Variants in IRF2 observed in about 807,000 individuals in gnomAD.
IRF2 encodes interferon regulatory factor 2.
Under a neutral mutation model 40.6 loss-of-function variants are expected in IRF2, and 15 were observed. That is an observed-to-expected ratio of 0.37 (90% CI 0.25 to 0.57). IRF2 has a LOEUF of 0.57. Among genes scored for constraint, IRF2 ranks in the 20% least tolerant of loss-of-function variants. The pLI is 0.77. For synonymous variants in IRF2, 151 were observed against 165.5 expected (o/e 0.91, Z 0.67); for missense variants, 317 against 455.7 (o/e 0.70, Z 2.77).
intron 5 of IRF2, among the ~76,000 whole-genome samples, chr4:184,411,790 A>C (rs1390390579): frequency 1.3e-5 from 2 of 151,290 alleles, no homozygotes; most frequent in African/African-American, 4.9e-5. Context: ...GGCCCTGAAC[A>C]CTCTTCGCCC....
intron 1 of IRF2, among the ~76,000 whole-genome samples, chr4:184,452,466 G>T (rs1461347765): frequency 6.6e-6 from 1 of 152,166 alleles, no homozygotes; most frequent in Non-Finnish European, 1.5e-5. Flanking sequence ...TGCCATGGAA[G>T]TGCAGACCGG....
chr4:184,422,706 T>C (rs1220641640), intron 2 of IRF2, among the ~76,000 whole-genome samples: 1 of 152,082 alleles, frequency 6.6e-6, no homozygotes, highest in Non-Finnish European at 1.5e-5. Flanking sequence ...ATGATTCCAT[T>C]TACATGAAAT....
intron 6 of IRF2, among the ~76,000 whole-genome samples, chr4:184,403,618 C>T (rs76407443): frequency 6.6e-6 from 1 of 152,270 alleles, no homozygotes; most frequent in East Asian, 1.9e-4. Context: ...GCAGCAGAAC[C>T]GGGATTCAAT....
chr4:184,398,134 G>A (rs898628171), intron 7 of IRF2, among the ~76,000 whole-genome samples: 7 of 152,180 alleles, frequency 4.6e-5, no homozygotes, highest in Non-Finnish European at 7.3e-5. Flanking sequence ...GGGTCTGAAG[G>A]CTGAGGTCAA....
At position 184,388,762 on chromosome 4, in the gene IRF2, C is replaced by T; in HGVS notation, c.1046G>A (p.Cys349Tyr). The T allele has an allele frequency of 6.2e-7, 1 of 1,606,932 alleles. No individual in the cohort carries two copies. Among genetic ancestry groups the T allele is most frequent in the Non-Finnish European group, 8.5e-7 (1 of 1,178,678 alleles). The change falls in exon 9 of 9, where the codon TGT becomes TAT. Residue 349 changes from cysteine to tyrosine, a missense_variant. Physicochemically the swap from Cys to Tyr is radical, Grantham distance 194. This residue lies in a region of IRF2 where 262 missense variants were observed against 334.0 expected (regional missense o/e 0.78). Transcript: ENST00000393593. This position sits in a 1 kb window ranked among gnomAD's most constrained non-coding sequence, Gnocchi z 4.6. Reference protein sequence around the residue: ...SDITQARVKSC With the variant: ...SDITQARVKSY ...CCACCGCGGAGAGTCAGAGGCTTAA[C>T]AGCTCTTGACGCGGGCCTGGGTGAT... is the stretch of plus-strand genomic sequence containing the variant.
At chr4:184,442,252 A>G (rs573402325) in intron 1 of IRF2, among the ~76,000 whole-genome samples, 5 of 152,250 alleles carry the variant, frequency 3.3e-5, no homozygotes, top group Admixed American at 2.0e-4. Context: ...TTCCTTTTGT[A>G]GTCCGGACTA....
chr4:184,422,734 G>A (rs1002056749), intron 2 of IRF2, among the ~76,000 whole-genome samples: 1 of 150,254 alleles, frequency 6.7e-6, no homozygotes, highest in African/African-American at 2.5e-5. Context: ...AAAAGACAGA[G>A]AGCAGAGAGC....
rs561431705 is a variant in IRF2, at chr4:184,432,375, G to A, written c.-6-3305C>T. Among the ~76,000 whole-genome samples, 20 of 152,334 alleles carry A rather than the reference G, an allele frequency of 1.3e-4. No individual in the cohort carries two copies. The East Asian group carries it at 1.7e-3, about 13-fold the overall frequency. ...GTTCTTTTCACAGGCTACAGAGTGC[G>A]ACATTTGTCACATCGTTGTGCTTTT... On this transcript the variant is annotated intron_variant, in intron 1 of 8. Transcript: ENST00000393593.
chr4:184,388,422 C>T lies in IRF2; in HGVS notation c.*336G>A, dbSNP rs2149889100. 3.6e-6 allele frequency: 1 copy of T among 279,492 alleles called. No homozygotes were observed. Among genetic ancestry groups the T allele is most frequent in the Non-Finnish European group, 6.7e-6 (1 of 150,246 alleles). 17.3% of individuals were successfully genotyped at this position (279,492 alleles called of 1,614,324 possible). On this transcript the variant is annotated 3_prime_UTR_variant, in exon 9 of 9. Transcript: ENST00000393593. This position sits in a 1 kb window ranked among gnomAD's most constrained non-coding sequence, Gnocchi z 4.6. The stretch of plus-strand genomic sequence containing the variant: ...CAAGAATAAAAAATTCCAGCTAGTT[C>T]ACATTATCTCGTCCGTTCTGAGGCA...
At chr4:184,428,226 T>G (rs11931017) in intron 2 of IRF2, among the ~76,000 whole-genome samples, 1 of 152,106 alleles carries the variant, frequency 6.6e-6, no homozygotes, top group African/African-American at 2.4e-5. Context: ...AAAAGAAGGC[T>G]TTTTTTAAAG....
rs1327317403 is a variant in IRF2, at chr4:184,429,066, G to T, written c.-2C>A. ...CATGCGCATCCTTTCCACCGGCATG[G>T]TGCCCTTGAGGGAGAGAAACACAGC... On this transcript the variant is annotated 5_prime_UTR_variant, in exon 2 of 9. Coordinates refer to ENST00000393593, the MANE Select transcript of IRF2 (RefSeq NM_002199.4). 1 of 1,613,678 alleles carries T rather than the reference G, an allele frequency of 6.2e-7. No individual in the cohort carries two copies. The highest frequency in any genetic ancestry group is 8.5e-7 in the Non-Finnish European group (1 of 1,179,614).
At chr4:184,429,182 GGAC>G (rs1737781537) in intron 1 of IRF2, 112 bp from the exon 2 acceptor site, 2 of 721,080 alleles carry the variant, frequency 2.8e-6, no homozygotes, top group Non-Finnish European at 4.7e-6. Flanking sequence ...CTGGGGCTGG[GGAC>G]CAGGGGGCTG....
intron 1 of IRF2, among the ~76,000 whole-genome samples, chr4:184,451,306 A>G (rs1269050002): frequency 6.6e-6 from 1 of 152,236 alleles, no homozygotes; most frequent in Non-Finnish European, 1.5e-5. Context: ...TTATAAATAT[A>G]TACATGCAAA....
chr4:184,423,713 C>G (rs922545862), intron 2 of IRF2, among the ~76,000 whole-genome samples: 2 of 152,048 alleles, frequency 1.3e-5, no homozygotes, highest in African/African-American at 4.8e-5. Flanking sequence ...CAAGAAATGG[C>G]CCAGGGAACC....
rs147354945 is a variant in IRF2 at position 184,438,837 on chromosome 4, A to T, written c.-6-9767T>A. On this transcript the variant is annotated intron_variant, in intron 1 of 8. Transcript: ENST00000393593. The stretch of plus-strand genomic sequence containing the variant: ...GTATGTTCGGAGCAAAGATAACAGG[A>T]CCCCCTATATGAGAGAGGAAGCATG... Among the ~76,000 whole-genome samples the T allele has an allele frequency of 1.5e-3, 227 of 152,012 alleles. 1 individual carries two copies. The highest frequency in any genetic ancestry group is 5.4e-3 in the African/African-American group (222 of 41,452).
In IRF2 at chr4:184,398,902, C is replaced by T. The variant is rs545600776; in HGVS notation, c.694+13G>A. 18 of 1,577,924 alleles carry T rather than the reference C, an allele frequency of 1.1e-5. No homozygotes were observed. The South Asian group carries it at 1.2e-4, about 10-fold the overall frequency. On this transcript the variant is annotated intron_variant, in intron 7 of 8. Transcript: ENST00000393593. ...GGTTCCCACGCCTCCCGGAGCCTCCCGCTGACGCTTACCTGCATAGGAAGA... is the reference window on the plus strand; with the variant it reads ...GGTTCCCACGCCTCCCGGAGCCTCCTGCTGACGCTTACCTGCATAGGAAGA...
chr4:184,427,268 G>A (rs1737705921), intron 2 of IRF2, among the ~76,000 whole-genome samples: 2 of 152,226 alleles, frequency 1.3e-5, no homozygotes, highest in African/African-American at 2.4e-5. Flanking sequence ...ACAGGTCACA[G>A]GAAATAAGCA....
chr4:184,428,802 A>C lies in IRF2; in HGVS notation c.87+176T>G, dbSNP rs144031741. The C allele has an allele frequency of 8.4e-3, 5,238 of 627,300 alleles. 35 individuals carry two copies. The highest frequency in any genetic ancestry group is 0.013 in the Non-Finnish European group (4,319 of 341,622). The allele number at this position is 627,300 out of a possible 1,614,324, so 38.9% of individuals were successfully genotyped here. A position where few individuals can be genotyped will look rare whatever the true frequency, so the allele number is the denominator to read the frequency against. On this transcript the variant is annotated intron_variant, in intron 2 of 8. Transcript: ENST00000393593. ...CCATATAGTGAGACCCTGTCTCTAAAAGAAAAAAAGCCTTTGAGATGATAA... is the reference window on the plus strand; with the variant it reads ...CCATATAGTGAGACCCTGTCTCTAACAGAAAAAAAGCCTTTGAGATGATAA...
intron 7 of IRF2, among the ~76,000 whole-genome samples, chr4:184,393,109 G>A (rs534215272): frequency 4.6e-4 from 70 of 152,278 alleles, no homozygotes; most frequent in African/African-American, 1.7e-3. Flanking sequence ...GGCAGGAATC[G>A]GAACAGCCAC....
Sources: gnomAD v4.1 joint callset for allele counts (sites outside exome capture counted in the v4.1 genomes callset) on GRCh38, gnomAD v4.1.1 for gene constraint, gnomAD v4.1.1 regional missense constraint, Gnocchi (gnomAD v3.1) non-coding constraint, MANE v1.5 for transcripts, NCBI Gene and HGNC (gene_info 2026-07-23, HGNC 2026-07-21) for gene names.